Variants in LGSN observed in about 807,000 individuals in gnomAD.
The protein encoded by LGSN is lengsin.
LGSN carries 21 observed loss-of-function variants against 19.5 expected under a neutral mutation model. That is an observed-to-expected ratio of 1.07 (90% CI 0.76 to 1.55). The LOEUF (loss-of-function observed/expected upper bound fraction) is 1.55, where lower values mean the gene tolerates loss of function less well. LGSN is among the 40% of genes most tolerant of loss of function. The probability of loss-of-function intolerance (pLI) is 0.00; values close to 1 mark genes in which losing one functional copy is unlikely to be tolerated. For synonymous variants in LGSN, 257 were observed against 215.6 expected, an observed-to-expected ratio of 1.19 and a Z score of -1.68; for missense variants, 673 against 608.5, an observed-to-expected ratio of 1.11 and a Z score of -1.12.
the LGSN span, among the ~76,000 whole-genome samples, chr6:63,379,110 T>G: frequency 1.3e-5 from 2 of 152,194 alleles, no homozygotes; most frequent in Admixed American, 6.5e-5. Context: ...ATCAACAGAA[T>G]GATCCATTGT....
chr6:63,393,954 G>A, the LGSN span, among the ~76,000 whole-genome samples: 1 of 152,118 alleles, frequency 6.6e-6, no homozygotes, highest in Non-Finnish European at 1.5e-5. Context: ...AAAGATACAG[G>A]TCACAAAGGC....
At chr6:63,337,584 T>C in the LGSN span, among the ~76,000 whole-genome samples, 2 of 151,842 alleles carry the variant, frequency 1.3e-5, no homozygotes, top group East Asian at 3.9e-4. Context: ...GGTAGATCAC[T>C]TGAGCTCAGG....
At chr6:63,384,270 G>A in the LGSN span, among the ~76,000 whole-genome samples, 1 of 152,148 alleles carries the variant, frequency 6.6e-6, no homozygotes, top group Non-Finnish European at 1.5e-5. Flanking sequence ...ATCTTGATAA[G>A]CCTATACCAA....
At chr6:63,551,750 T>C in the LGSN span, among the ~76,000 whole-genome samples, 1 of 146,324 alleles carries the variant, frequency 6.8e-6, no homozygotes, top group Non-Finnish European at 1.5e-5. Context: ...TGTGTTCTCA[T>C]TGTTCAATTC....
At chr6:63,357,363 G>A in the LGSN span, among the ~76,000 whole-genome samples, 1 of 152,130 alleles carries the variant, frequency 6.6e-6, no homozygotes, top group Non-Finnish European at 1.5e-5. Flanking sequence ...TGGGATGGCT[G>A]GGTCAAATGG....
the LGSN span, among the ~76,000 whole-genome samples, chr6:63,432,138 AAAGAAAG>A: frequency 8.8e-5 from 11 of 124,518 alleles, 1 homozygote; most frequent in African/African-American, 3.0e-4. Flanking sequence ...AGAAAGAAAG[AAAGAAAG>A]AAAGAAAGAA....
the LGSN span, among the ~76,000 whole-genome samples, chr6:63,356,696 T>C: frequency 1.1e-4 from 17 of 152,266 alleles, no homozygotes; most frequent in African/African-American, 3.4e-4. Flanking sequence ...AATTGTGCCA[T>C]GCATATACCT....
chr6:63,295,224 G>A (rs950225401), intron 1 of LGSN, among the ~76,000 whole-genome samples, 179 bp from the exon 2 acceptor site: 4 of 152,124 alleles, frequency 2.6e-5, no homozygotes, highest in Admixed American at 6.5e-5. Flanking sequence ...AAAGCCCAGC[G>A]TTGTGCTGAT....
the LGSN span, among the ~76,000 whole-genome samples, chr6:63,412,472 GAGAAGAAAGAGA>G: frequency 2.1e-5 from 2 of 93,138 alleles, no homozygotes; most frequent in African/African-American, 5.6e-5. Flanking sequence ...GAAAAAGAGA[GAGAAGAAAGAGA>G]AGAAAGAAAG....
At chr6:63,550,499 T>C in the LGSN span, 2 of 152,102 alleles carry the variant, frequency 1.3e-5, no homozygotes, top group Non-Finnish European at 2.9e-5. Flanking sequence ...GAGGGGTGAG[T>C]AGGCCACACC....
At chr6:63,536,368 A>G in the LGSN span, among the ~76,000 whole-genome samples, 1 of 152,158 alleles carries the variant, frequency 6.6e-6, no homozygotes, top group Non-Finnish European at 1.5e-5. Flanking sequence ...ATCAATAGCT[A>G]TATTTAATTT....
chr6:63,328,203 TC>T, the LGSN span, among the ~76,000 whole-genome samples: 449 of 152,160 alleles, frequency 3.0e-3, 3 homozygotes, highest in African/African-American at 0.01. Context: ...GCCCTTCATA[TC>T]CCATTTTCCA....
chr6:63,502,798 G>A, the LGSN span, among the ~76,000 whole-genome samples: 3 of 152,112 alleles, frequency 2.0e-5, no homozygotes, highest in African/African-American at 7.2e-5. Flanking sequence ...ATCAAGTTTC[G>A]TAGCTTTGAA....
the LGSN span, among the ~76,000 whole-genome samples, chr6:63,505,452 C>G: frequency 6.7e-6 from 1 of 150,028 alleles, no homozygotes; most frequent in African/African-American, 2.5e-5. Context: ...GCGGCACATA[C>G]CTGTAGTCCC....
At chr6:63,292,100 ACTT>A (rs1208748426) in intron 2 of LGSN, among the ~76,000 whole-genome samples, 4 of 152,146 alleles carry the variant, frequency 2.6e-5, no homozygotes, top group African/African-American at 7.2e-5. Flanking sequence ...CAAGAACCTC[ACTT>A]CTACAGTCAC....
the LGSN span, among the ~76,000 whole-genome samples, chr6:63,505,633 G>GAAGGAAAGAAAGAAAT: frequency 2.1e-5 from 2 of 97,200 alleles, no homozygotes; most frequent in African/African-American, 8.1e-5. Flanking sequence ...AAGAAAGAAA[G>GAAGGAAAGAAAGAAAT]AAATTCTGGC....
the LGSN span, among the ~76,000 whole-genome samples, chr6:63,412,502 G>GAAAC: frequency 3.3e-5 from 3 of 91,540 alleles, no homozygotes; most frequent in African/African-American, 1.6e-4. Flanking sequence ...AAGAAAGAAA[G>GAAAC]AAAGAAAGAA....
the LGSN span, among the ~76,000 whole-genome samples, chr6:63,360,395 C>T: frequency 1.3e-5 from 2 of 152,154 alleles, no homozygotes; most frequent in African/African-American, 4.8e-5. Context: ...TCTCTTCTCG[C>T]TTCATTTCAT....
At chr6:63,441,437 G>A in the LGSN span, 1 of 452,558 alleles carries the variant, frequency 2.2e-6, no homozygotes. Flanking sequence ...CTGGATCCCG[G>A]CCTGGCCAAG....
Sources: allele counts gnomAD v4.1 joint callset (sites outside exome capture counted in the v4.1 genomes callset), GRCh38; gene constraint gnomAD v4.1.1; transcripts MANE v1.5; gene names NCBI Gene and HGNC (gene_info 2026-07-23, HGNC 2026-07-21).